HGSNAT: variants seen among roughly 807,000 people sequenced by gnomAD.
HGSNAT encodes heparan-alpha-glucosaminide N-acetyltransferase.
HGSNAT carries 59 observed loss-of-function variants against 85.2 expected under a neutral mutation model. That is an observed-to-expected ratio of 0.69 (90% CI 0.56 to 0.86). The LOEUF (loss-of-function observed/expected upper bound fraction) is 0.86, where lower values mean the gene tolerates loss of function less well. HGSNAT is among the 40% of genes least tolerant of loss of function. HGSNAT has a pLI of 0.00. For missense variants in HGSNAT, 756 were observed against 777.1 expected (o/e 0.97, Z 0.32); for synonymous variants, 321 against 304.5 (o/e 1.05, Z -0.56).
chr8:43,140,612 G>T lies in HGSNAT; in HGVS notation c.116G>T (p.Arg39Leu), dbSNP rs1347482107. ...CGCGATGCCCAGGCCGCGCCGCCAC[G>T]AGGTGAGTGCACACCTCCTACCGCC... ...SGRDAQAAPP[R>L]DLDKKRHAEL... The change falls in exon 1 of 18, where the codon CGA becomes CTA. Residue 39 changes from arginine to leucine, a missense_variant and splice_region_variant. Physicochemically the swap from Arg to Leu is moderately radical, Grantham distance 102 (BLOSUM62 -2). Transcript: ENST00000379644. 1.6e-6 allele frequency: 2 copies of T among 1,232,932 alleles called. No homozygotes were observed. The highest frequency in any genetic ancestry group is 2.3e-5 in the South Asian group (1 of 43,772). The allele number at this position is 1,232,932 out of a possible 1,614,324, so 76.4% of individuals were successfully genotyped here.
intron 14 of HGSNAT, 30 bp from the exon 15 acceptor site, chr8:43,196,918 C>G: frequency 7.3e-7 from 1 of 1,366,434 alleles, no homozygotes; most frequent in South Asian, 1.2e-5. Context: ...TTTGGCGATT[C>G]TTTTGGTCAC....
At chr8:43,170,958 AT>A (rs1250461549) in intron 7 of HGSNAT, among the ~76,000 whole-genome samples, 2 of 152,108 alleles carry the variant, frequency 1.3e-5, no homozygotes, top group Non-Finnish European at 1.5e-5. Flanking sequence ...AGTGAAGGGC[AT>A]TTTTATTTGG....
intron 2 of HGSNAT, 58 bp from the exon 3 acceptor site, chr8:43,158,517 G>A: frequency 1.3e-6 from 2 of 1,588,186 alleles, no homozygotes; most frequent in Non-Finnish European, 1.7e-6. Context: ...ATGTCCTCCA[G>A]CAATCAACAG....
intron 17 of HGSNAT, among the ~76,000 whole-genome samples, chr8:43,198,393 T>C (rs1357279830): frequency 1.3e-5 from 2 of 148,528 alleles, no homozygotes; most frequent in South Asian, 2.2e-4. Context: ...GTTCACGCCA[T>C]TCTCCTGCCT....
rs1353686910 is a variant in HGSNAT, at chr8:43,200,470, A to C, written c.*901A>C. 1.3e-5 allele frequency: 2 copies of C among 152,258 alleles called. No homozygotes were observed. Among genetic ancestry groups the C allele is most frequent in the African/African-American group, 2.4e-5 (1 of 41,472 alleles). The allele number at this position is 152,258 out of a possible 1,614,324, so 9.4% of individuals were successfully genotyped here. A position where few individuals can be genotyped will look rare whatever the true frequency, so the allele number is the denominator to read the frequency against. On this transcript the variant is annotated 3_prime_UTR_variant, in exon 18 of 18. Transcript: ENST00000379644. Reference sequence around the variant, plus strand: ...TAGACATGGTGAGGTAACAGACATCAAAAGCTTTTCTGAAATCTTCAGAAG... The same window carrying C: ...TAGACATGGTGAGGTAACAGACATCCAAAGCTTTTCTGAAATCTTCAGAAG...
chr8:43,179,652 A>G (rs867169097), intron 10 of HGSNAT, among the ~76,000 whole-genome samples: 89 of 8,678 alleles, frequency 0.01, no homozygotes, highest in Admixed American at 0.015. Flanking sequence ...GCGACTGGCC[A>G]GGCGGGGGGC....
At chr8:43,177,999 A>G in intron 9 of HGSNAT, 75 bp from the exon 10 acceptor site, 3 of 1,142,588 alleles carry the variant, frequency 2.6e-6, no homozygotes, top group Non-Finnish European at 4.0e-6. Flanking sequence ...CTTTTATAGC[A>G]TATTATAAAA....
At chr8:43,185,902 G>T (rs1804291035) in intron 11 of HGSNAT, among the ~76,000 whole-genome samples, 1 of 152,122 alleles carries the variant, frequency 6.6e-6, no homozygotes, top group Admixed American at 6.6e-5. Flanking sequence ...TAATCATGTG[G>T]TTTTTGTTTT....
rs149818065 is a variant in HGSNAT, at chr8:43,152,080, G to A, written c.234+5017G>A. On this transcript the variant is annotated intron_variant, in intron 2 of 17. Coordinates refer to ENST00000379644, the MANE Select transcript of HGSNAT (RefSeq NM_152419.3). ...CAGGTGGGCAGATCACTTGAAGGTT[G>A]GGAGTTTTGAGACCAGCCTGACCAA... Among the ~76,000 whole-genome samples the A allele has an allele frequency of 7.9e-3, 1,195 of 152,204 alleles. 14 individuals carry two copies. Among genetic ancestry groups the A allele is most frequent in the African/African-American group, 0.026 (1,093 of 41,534 alleles).
chr8:43,157,474 T>C (rs1803127212), intron 2 of HGSNAT, among the ~76,000 whole-genome samples: 1 of 96,888 alleles, frequency 1.0e-5, no homozygotes, highest in Admixed American at 1.2e-4. Context: ...AGAGAAAGAA[T>C]TGAAAAGAAT....
In HGSNAT at chr8:43,197,533, C is replaced by T. The variant is rs776295209; in HGVS notation, c.1543-139C>T. The T allele has an allele frequency of 3.5e-4, 226 of 653,810 alleles. 3 individuals carry two copies. The highest frequency in any genetic ancestry group is 2.5e-3 in the Middle Eastern group (6 of 2,388). 40.5% of individuals were successfully genotyped at this position (653,810 alleles called of 1,614,324 possible). A position where few individuals can be genotyped will look rare whatever the true frequency, so the allele number is the denominator to read the frequency against. On this transcript the variant is annotated intron_variant, in intron 15 of 17. Coordinates refer to ENST00000379644, the MANE Select transcript of HGSNAT (RefSeq NM_152419.3). ...TCATACATTTAAAAAAATATGTTTC[C>T]ATTTAAAAGAGAAAAATATAAGGCA...
chr8:43,197,268 G>A, intron 15 of HGSNAT: 1 of 571,532 alleles, frequency 1.7e-6, no homozygotes, highest in Non-Finnish European at 3.1e-6. Flanking sequence ...AATGCCTGAA[G>A]AAATGTGAGG....
chr8:43,150,333 AAAG>A (rs1341007455), intron 2 of HGSNAT, among the ~76,000 whole-genome samples: 1 of 152,126 alleles, frequency 6.6e-6, no homozygotes, highest in African/African-American at 2.4e-5. Flanking sequence ...ATTGCTAAAA[AAAG>A]AAGACTGAGC....
chr8:43,191,787 C>T (rs1450196319), intron 12 of HGSNAT, among the ~76,000 whole-genome samples, 192 bp downstream of exon 12: 1 of 152,102 alleles, frequency 6.6e-6, no homozygotes, highest in Non-Finnish European at 1.5e-5. Flanking sequence ...TGAGGGTCAG[C>T]TTGAATAGAA....
intron 11 of HGSNAT, among the ~76,000 whole-genome samples, chr8:43,188,677 T>C (rs147206629): frequency 1.6e-4 from 24 of 152,360 alleles, no homozygotes; most frequent in Non-Finnish European, 3.4e-4. Context: ...CAACCAGGTT[T>C]GTTCCATTGC....
chr8:43,148,079 C>G lies in HGSNAT; in HGVS notation c.234+1016C>G, dbSNP rs568560671. On this transcript the variant is annotated intron_variant, in intron 2 of 17. Transcript: ENST00000379644. Reference sequence around the variant, plus strand: ...CCAACATGGAGAAACCCTGTCTCTACTAAAAATACAAAATTACCGGGCATG... The same window carrying G: ...CCAACATGGAGAAACCCTGTCTCTAGTAAAAATACAAAATTACCGGGCATG... 3.3e-5 allele frequency among the ~76,000 whole-genome samples: 5 copies of G among 151,900 alleles called. No homozygotes were observed. The South Asian group carries it at 8.3e-4, about 25-fold the overall frequency.
chr8:43,157,695 T>G lies in HGSNAT; in HGVS notation c.235-880T>G, dbSNP rs771167645. 1.1e-4 allele frequency among the ~76,000 whole-genome samples: 16 copies of G among 152,204 alleles called. No homozygotes were observed. In the South Asian group the frequency reaches 2.1e-3, roughly 20 times the overall value. ...TGGGAGGCTGAGGTGGGAGAATTGCTTGAGCCTGGGAGGTGAAGGTTGCAG... is the reference window on the plus strand; with the variant it reads ...TGGGAGGCTGAGGTGGGAGAATTGCGTGAGCCTGGGAGGTGAAGGTTGCAG... On this transcript the variant is annotated intron_variant, in intron 2 of 17. Transcript: ENST00000379644.
At chr8:43,156,048 C>T (rs1230236471) in intron 2 of HGSNAT, among the ~76,000 whole-genome samples, 2 of 151,986 alleles carry the variant, frequency 1.3e-5, no homozygotes, top group Non-Finnish European at 2.9e-5. Flanking sequence ...CCATGTTGGC[C>T]AGGCTGGTCT....
chr8:43,141,117 G>A (rs1802514109), intron 1 of HGSNAT, among the ~76,000 whole-genome samples: 1 of 152,222 alleles, frequency 6.6e-6, no homozygotes, highest in African/African-American at 2.4e-5. Context: ...CAGCGGGTGG[G>A]AAGCCTGGGG....
Sources: gnomAD v4.1 joint callset for allele counts (sites outside exome capture counted in the v4.1 genomes callset) on GRCh38, gnomAD v4.1.1 for gene constraint, MANE v1.5 for transcripts, NCBI Gene and HGNC (gene_info 2026-07-23, HGNC 2026-07-21) for gene names.